Variants in TBL1XR1 observed in about 807,000 individuals in gnomAD.
TBL1XR1 encodes the protein TBL1X/Y related 1, also known as F-box-like/WD repeat-containing protein TBL1XR1.
In TBL1XR1, 5 loss-of-function variants were observed where a neutral mutation model predicts 66.9. The ratio of observed to expected loss-of-function variants is 0.07; its 90% CI spans 0.04 to 0.16. TBL1XR1 has a LOEUF of 0.16. Among genes scored for constraint, TBL1XR1 ranks in the 10% least tolerant of loss-of-function variants. The pLI, the probability that TBL1XR1 is intolerant of heterozygous loss-of-function variation, is 1.00. For missense variants in TBL1XR1, 238 were observed against 623.2 expected (o/e 0.38, Z 6.58); for synonymous variants, 210 against 206.0 (o/e 1.02, Z -0.17).
intron 1 of TBL1XR1, among the ~76,000 whole-genome samples, chr3:177,182,381 T>C (rs775725536): frequency 2.2e-4 from 34 of 152,136 alleles, no homozygotes; most frequent in Non-Finnish European, 4.4e-4. Flanking sequence ...TAAGATCCTG[T>C]CTCAGAAAAA....
chr3:177,126,525 C>G (rs933142022), intron 1 of TBL1XR1, among the ~76,000 whole-genome samples: 2 of 152,170 alleles, frequency 1.3e-5, no homozygotes, highest in South Asian at 2.1e-4. Context: ...CTTTCAAGTC[C>G]TACATCCATG....
At chr3:177,079,233 C>T (rs1446689471) in intron 2 of TBL1XR1, among the ~76,000 whole-genome samples, 2 of 151,688 alleles carry the variant, frequency 1.3e-5, no homozygotes, top group Non-Finnish European at 2.9e-5. Flanking sequence ...AGATCAAGAC[C>T]ATCCTGGCTA....
intron 3 of TBL1XR1, among the ~76,000 whole-genome samples, chr3:177,055,874 A>G (rs1163770566): frequency 6.6e-6 from 1 of 152,242 alleles, no homozygotes; most frequent in African/African-American, 2.4e-5. Context: ...GAGGGCCTAT[A>G]CCATATGCTA....
intron 2 of TBL1XR1, among the ~76,000 whole-genome samples, chr3:177,086,658 A>G (rs1371618138): frequency 6.6e-6 from 1 of 152,156 alleles, no homozygotes; most frequent in African/African-American, 2.4e-5. Context: ...AATGAAACAG[A>G]TATTAACAAC....
intron 2 of TBL1XR1, among the ~76,000 whole-genome samples, chr3:177,072,839 G>A (rs1006992169): frequency 6.6e-6 from 1 of 152,202 alleles, no homozygotes; most frequent in East Asian, 1.9e-4. Flanking sequence ...CGAGGCGGGT[G>A]GATCACTTGA....
chr3:177,085,508 G>A (rs1722007493), intron 2 of TBL1XR1, among the ~76,000 whole-genome samples: 1 of 152,166 alleles, frequency 6.6e-6, no homozygotes, highest in African/African-American at 2.4e-5. Flanking sequence ...ATCCTGAGAT[G>A]ATCCAGGTGT....
intron 10 of TBL1XR1, among the ~76,000 whole-genome samples, chr3:177,045,477 A>G (rs559393970): frequency 5.3e-5 from 8 of 152,242 alleles, no homozygotes; most frequent in South Asian, 2.1e-4. Flanking sequence ...GTGTGACTGT[A>G]TATCATGAAG....
chr3:177,174,233 C>G (rs1196953592), intron 1 of TBL1XR1, among the ~76,000 whole-genome samples: 2 of 151,758 alleles, frequency 1.3e-5, no homozygotes, highest in African/African-American at 4.8e-5. Flanking sequence ...CCAGTGAAAC[C>G]CCGTCTGTAG....
rs1364760898 is a variant in TBL1XR1 at position 177,025,420 on chromosome 3, T to C, written c.*78A>G. On this transcript the variant is annotated 3_prime_UTR_variant, in exon 16 of 16. Transcript: ENST00000457928. ...ACTGGCCATGGTTCAAGTGGGACTA[T>C]AGCAGTACATGGGTCAGGGACAGTC... is the stretch of plus-strand genomic sequence containing the variant. The C allele has an allele frequency of 1.3e-5, 19 of 1,468,072 alleles. 1 individual carries two copies. The highest frequency in any genetic ancestry group is 8.4e-5 in the African/African-American group (6 of 71,796). 90.9% of individuals were successfully genotyped at this position (1,468,072 alleles called of 1,614,324 possible).
intron 2 of TBL1XR1, among the ~76,000 whole-genome samples, chr3:177,075,919 C>A (rs1194087665): frequency 6.6e-6 from 1 of 152,056 alleles, no homozygotes; most frequent in African/African-American, 2.4e-5. Context: ...TGTTCCAGGC[C>A]TCTCTCCTAG....
At chr3:177,092,196 G>A (rs1047278553) in intron 2 of TBL1XR1, among the ~76,000 whole-genome samples, 11 of 152,118 alleles carry the variant, frequency 7.2e-5, no homozygotes, top group Non-Finnish European at 1.6e-4. Flanking sequence ...TCAGATGTTG[G>A]AGCATTTCAG....
Position 177,160,183 on chromosome 3 carries a change from A to G in TBL1XR1, c.-122+36938T>C, listed in dbSNP as rs1008143621. 3.3e-5 allele frequency among the ~76,000 whole-genome samples: 5 copies of G among 152,186 alleles called. No homozygotes were observed. The East Asian group carries it at 9.7e-4, about 29-fold the overall frequency. On this transcript the variant is annotated intron_variant, in intron 1 of 15. Transcript: ENST00000457928. ...GCTGCTTTGCAAACCATGTAAGTAG[A>G]AGTATCTGGTAGGGCGCAGTGGCTC...
chr3:177,169,106 A>C (rs1188599963), intron 1 of TBL1XR1, among the ~76,000 whole-genome samples: 2 of 152,232 alleles, frequency 1.3e-5, no homozygotes, highest in Non-Finnish European at 2.9e-5. Flanking sequence ...AGGTGGTAAT[A>C]GTAATTACAT....
At chr3:177,179,394 C>A (rs931892719) in intron 1 of TBL1XR1, among the ~76,000 whole-genome samples, 2 of 152,162 alleles carry the variant, frequency 1.3e-5, no homozygotes, top group Non-Finnish European at 2.9e-5. Flanking sequence ...CTCGTATTTA[C>A]CAATTACATA....
intron 1 of TBL1XR1, among the ~76,000 whole-genome samples, chr3:177,135,363 ATATATATATATATATATATG>A (rs1446036742): frequency 0.18 from 6,002 of 34,010 alleles, 389 homozygotes; most frequent in Admixed American, 0.31. Flanking sequence ...ATATATATAT[ATATATATATATATATATATG>A]TATGTATTTT....
At chr3:177,134,389 A>C (rs1265110485) in intron 1 of TBL1XR1, among the ~76,000 whole-genome samples, 1 of 152,156 alleles carries the variant, frequency 6.6e-6, no homozygotes, top group Non-Finnish European at 1.5e-5. Flanking sequence ...AAAGAGAGAA[A>C]ACAGAATTAT....
At position 177,114,990 on chromosome 3, in the gene TBL1XR1, AAAT is replaced by A. The variant is rs542273251; in HGVS notation, c.-121-16452_-121-16450del. On this transcript the variant is annotated intron_variant, in intron 1 of 15. Coordinates refer to ENST00000457928, the MANE Select transcript of TBL1XR1 (RefSeq NM_024665.7). ...TAAGACCTTGTCACTTTGGGGAAAA[AAAT>A]AATAATAATAATAATAATGATTTTT... Among the ~76,000 whole-genome samples the A allele has an allele frequency of 4.7e-5, 7 of 150,448 alleles. No individual in the cohort carries two copies. In the South Asian group the frequency reaches 1.3e-3, roughly 28 times the overall value.
intron 1 of TBL1XR1, among the ~76,000 whole-genome samples, chr3:177,187,873 T>TAAGGTA (rs1430247373): frequency 1.4e-5 from 2 of 146,940 alleles, no homozygotes; most frequent in African/African-American, 5.0e-5. Flanking sequence ...TCCACCATTT[T>TAAGGTA]AAGGTAATTA....
At chr3:177,147,104 T>C (rs1200226633) in intron 1 of TBL1XR1, among the ~76,000 whole-genome samples, 1 of 151,708 alleles carries the variant, frequency 6.6e-6, no homozygotes, top group Admixed American at 6.6e-5. Flanking sequence ...TGGAGTGCAA[T>C]GGCGTGATTT....
Sources: allele counts gnomAD v4.1 joint callset (sites outside exome capture counted in the v4.1 genomes callset), GRCh38; gene constraint gnomAD v4.1.1; transcripts MANE v1.5; gene names NCBI Gene and HGNC (gene_info 2026-07-23, HGNC 2026-07-21).